SULF1: variants seen among roughly 807,000 people sequenced by gnomAD.
SULF1 encodes the protein sulfatase 1, also known as extracellular sulfatase Sulf-1.
In SULF1, 46 loss-of-function variants were observed where a neutral mutation model predicts 110.5. That is an observed-to-expected ratio of 0.42 (90% CI 0.33 to 0.53). The LOEUF (loss-of-function observed/expected upper bound fraction) is 0.53, where lower values mean the gene tolerates loss of function less well. SULF1 is among the 20% of genes least tolerant of loss of function. SULF1 has a pLI of 0.12. For missense variants in SULF1, 941 were observed against 1,094.2 expected (o/e 0.86, Z 1.98); for synonymous variants, 371 against 387.1 (o/e 0.96, Z 0.49).
At chr8:69,583,227 C>G (rs1442294391) in intron 6 of SULF1, among the ~76,000 whole-genome samples, 1 of 152,060 alleles carries the variant, frequency 6.6e-6, no homozygotes, top group Non-Finnish European at 1.5e-5. Context: ...CTCTAAAGCT[C>G]TATTCTATGA....
chr8:69,474,048 A>G (rs1380023740), intron 1 of SULF1, among the ~76,000 whole-genome samples: 1 of 152,164 alleles, frequency 6.6e-6, no homozygotes, highest in African/African-American at 2.4e-5. Context: ...TTCCTGAACA[A>G]CACTGGCACA....
intron 3 of SULF1, among the ~76,000 whole-genome samples, chr8:69,527,234 G>T (rs755228152): frequency 6.6e-6 from 1 of 151,936 alleles, no homozygotes; most frequent in African/African-American, 2.4e-5. Context: ...TTAACGGTTC[G>T]TAACCATATT....
chr8:69,635,951 C>T (rs1810960658), intron 19 of SULF1, among the ~76,000 whole-genome samples: 1 of 151,970 alleles, frequency 6.6e-6, no homozygotes, highest in Admixed American at 6.5e-5. Context: ...AATTACTTAA[C>T]ATCTCCTTGC....
chr8:69,635,552 A>G (rs1248545929), intron 19 of SULF1, among the ~76,000 whole-genome samples: 3 of 152,340 alleles, frequency 2.0e-5, no homozygotes, highest in South Asian at 2.1e-4. Flanking sequence ...CTGATACTAC[A>G]TAGGATAGCA....
chr8:69,573,817 G>A (rs1248115304), intron 5 of SULF1, among the ~76,000 whole-genome samples: 1 of 152,126 alleles, frequency 6.6e-6, no homozygotes, highest in Non-Finnish European at 1.5e-5. Flanking sequence ...TCTCCCATAA[G>A]GCATATTCCT....
intron 22 of SULF1, among the ~76,000 whole-genome samples, chr8:69,656,308 G>A (rs1351372306): frequency 7.2e-5 from 11 of 152,170 alleles, no homozygotes; most frequent in South Asian, 4.1e-4. Context: ...TGTTGTTGTC[G>A]TTGTTGTTTA....
chr8:69,564,543 T>C (rs1312980762), intron 5 of SULF1, among the ~76,000 whole-genome samples: 8 of 152,344 alleles, frequency 5.3e-5, no homozygotes, highest in Admixed American at 2.0e-4. Flanking sequence ...CTAAAGGAAC[T>C]TTCAGTGGTT....
intron 13 of SULF1, among the ~76,000 whole-genome samples, chr8:69,613,452 C>A (rs1808831057): frequency 6.6e-6 from 1 of 151,586 alleles, no homozygotes; most frequent in Non-Finnish European, 1.5e-5. Context: ...ATTTGCAATT[C>A]AAAATGCAGA....
At chr8:69,468,845 T>C (rs912601998) in intron 1 of SULF1, among the ~76,000 whole-genome samples, 2 of 152,192 alleles carry the variant, frequency 1.3e-5, no homozygotes, top group Non-Finnish European at 2.9e-5. Context: ...TGTGGCATGA[T>C]GGCATCTAAC....
intron 1 of SULF1, among the ~76,000 whole-genome samples, chr8:69,468,635 T>C (rs1808956812): frequency 6.6e-6 from 1 of 152,204 alleles, no homozygotes; most frequent in South Asian, 2.1e-4. Flanking sequence ...TCATTCCATT[T>C]TGGCTTTACA....
intron 19 of SULF1, among the ~76,000 whole-genome samples, chr8:69,635,406 G>GT (rs1810911092): frequency 6.6e-6 from 1 of 152,204 alleles, no homozygotes; most frequent in Non-Finnish European, 1.5e-5. Context: ...GGGGACTGGG[G>GT]TTATAAATAA....
Position 69,586,358 on chromosome 8 carries a change from C to CT in SULF1, c.420dup (p.Gly141TrpfsTer6). On this transcript the variant is annotated frameshift_variant and splice_region_variant, in exon 7 of 23. Transcript: ENST00000402687. LOFTEE classifies it high-confidence loss of function. ...AATAATTCTTTTTTCCCACTGCAGC[C>CT]TTTTTTGGAAAATACCTCAATGAAT... 1 of 1,553,540 alleles carries CT rather than the reference C, an allele frequency of 6.4e-7. No individual in the cohort carries two copies. The highest frequency in any genetic ancestry group is 8.7e-7 in the Non-Finnish European group (1 of 1,154,516).
chr8:69,548,432 G>A (rs1281501410), intron 3 of SULF1, among the ~76,000 whole-genome samples: 1 of 150,878 alleles, frequency 6.6e-6, no homozygotes, highest in Non-Finnish European at 1.5e-5. Flanking sequence ...ATAGCCTAGA[G>A]CACTTTGGAT....
chr8:69,614,741 A>G (rs1425567276), intron 13 of SULF1, among the ~76,000 whole-genome samples: 1 of 152,270 alleles, frequency 6.6e-6, no homozygotes, highest in Non-Finnish European at 1.5e-5. Flanking sequence ...AATATGAGAC[A>G]TGGCCCTTGC....
chr8:69,480,557 T>C (rs1402777522), intron 1 of SULF1, among the ~76,000 whole-genome samples: 1 of 152,208 alleles, frequency 6.6e-6, no homozygotes, highest in Admixed American at 6.5e-5. Flanking sequence ...AGCAATATTC[T>C]TCATAGCTTA....
chr8:69,638,859 G>A lies in SULF1; in HGVS notation c.2551+1G>A, dbSNP rs1348639155. On this transcript the variant is annotated splice_donor_variant, in intron 21 of 22. Transcript: ENST00000402687. LOFTEE classifies it high-confidence loss of function. ...CCAAGACCTAAGAATCTTGATGTTG[G>A]TAAGGAAAAAAATACTATTTTTTCT... is the stretch of plus-strand genomic sequence containing the variant. 2 of 1,599,908 alleles carry A rather than the reference G, an allele frequency of 1.3e-6. No homozygotes were observed. The highest frequency in any genetic ancestry group is 2.2e-5 in the East Asian group (1 of 44,818).
intron 8 of SULF1, 138 bp downstream of exon 8, chr8:69,589,279 A>AGACC (rs1806699479): frequency 1.1e-6 from 1 of 885,980 alleles, no homozygotes; most frequent in Admixed American, 3.0e-5. Flanking sequence ...ACTTAAGAGC[A>AGACC]GACCACGGAA....
At chr8:69,528,593 T>C (rs1343780483) in intron 3 of SULF1, among the ~76,000 whole-genome samples, 3 of 152,244 alleles carry the variant, frequency 2.0e-5, no homozygotes, top group African/African-American at 7.2e-5. Flanking sequence ...AAATTTCGCT[T>C]TTATAAATCC....
intron 1 of SULF1, among the ~76,000 whole-genome samples, chr8:69,472,193 A>G (rs1166446429): frequency 6.6e-6 from 1 of 152,172 alleles, no homozygotes; most frequent in Non-Finnish European, 1.5e-5. Flanking sequence ...CTGTTGGGGA[A>G]CAAAGGACCC....
Sources: allele counts gnomAD v4.1 joint callset (sites outside exome capture counted in the v4.1 genomes callset), GRCh38; gene constraint gnomAD v4.1.1; transcripts MANE v1.5; gene names NCBI Gene and HGNC (gene_info 2026-07-23, HGNC 2026-07-21).